WSB1: variants seen among roughly 807,000 people sequenced by gnomAD.
WSB1 encodes the protein WD repeat and SOCS box containing 1.
WSB1 carries 23 observed loss-of-function variants against 50.2 expected under a neutral mutation model. The observed-to-expected ratio is 0.46, with a 90% CI of 0.33 to 0.65. WSB1 has a LOEUF of 0.65. WSB1 is among the 30% of genes least tolerant of loss of function. The pLI is 0.02. For synonymous variants in WSB1, 179 were observed against 172.0 expected, an observed-to-expected ratio of 1.04 and a Z score of -0.32; for missense variants, 492 against 522.3, an observed-to-expected ratio of 0.94 and a Z score of 0.56.
intron 8 of WSB1, 77 bp downstream of exon 8, chr17:27,311,693 G>T (rs1278330827): frequency 1.9e-6 from 2 of 1,036,522 alleles, no homozygotes; most frequent in South Asian, 1.7e-5. Context: ...GTACAGTGGT[G>T]CAATCTCTGC....
intron 1 of WSB1, among the ~76,000 whole-genome samples, chr17:27,301,360 A>ATTGTATTTTATGGTGAGG (rs2017222382): frequency 6.6e-6 from 1 of 152,182 alleles, no homozygotes; most frequent in African/African-American, 2.4e-5. Context: ...ATGGTGAGGT[A>ATTGTATTTTATGGTGAGG]TGGTTTTTGA....
In WSB1 at chr17:27,294,477, G is replaced by C. The variant is rs758069073; in HGVS notation, c.40+42G>C. The C allele has an allele frequency of 4.1e-5, 66 of 1,610,540 alleles. 1 individual carries two copies. The highest frequency in any genetic ancestry group is 4.8e-5 in the Non-Finnish European group (56 of 1,177,834). ...TGGGTGGGCGCATGAGGGCCGAGGAGAGGCAGGGACTCCCCGGAGGAGGTT... is the reference window on the plus strand; with the variant it reads ...TGGGTGGGCGCATGAGGGCCGAGGACAGGCAGGGACTCCCCGGAGGAGGTT... On this transcript the variant is annotated intron_variant, in intron 1 of 8. Coordinates refer to ENST00000262394, the MANE Select transcript of WSB1 (RefSeq NM_015626.10).
At position 27,310,177 on chromosome 17, in the gene WSB1, A is replaced by G. The variant is rs1286013784; in HGVS notation, c.998+3A>G. On this transcript the variant is annotated splice_donor_region_variant and intron_variant, in intron 7 of 8. Transcript: ENST00000262394. Reference sequence around the variant, plus strand: ...GTTGCAAGCCTTGCTGATGATAAGTAAGTATGTGCATTATAGCTTGACTGA... The same window carrying G: ...GTTGCAAGCCTTGCTGATGATAAGTGAGTATGTGCATTATAGCTTGACTGA... 4 of 1,612,324 alleles carry G rather than the reference A, an allele frequency of 2.5e-6. No individual in the cohort carries two copies. The highest frequency in any genetic ancestry group is 1.3e-5 in the African/African-American group (1 of 74,904).
At chr17:27,299,965 TTTG>T (rs143000207) in intron 1 of WSB1, among the ~76,000 whole-genome samples, 50,394 of 151,748 alleles carry the variant, frequency 0.33, 8,586 homozygotes, top group Middle Eastern at 0.45. Context: ...TCTCAGGCTT[TTTG>T]TTTTTGCTTT....
At chr17:27,300,016 G>A (rs1204827207) in intron 1 of WSB1, among the ~76,000 whole-genome samples, 1 of 152,124 alleles carries the variant, frequency 6.6e-6, no homozygotes, top group Non-Finnish European at 1.5e-5. Flanking sequence ...CAAGAATTGG[G>A]CAGATAACAT....
chr17:27,298,929 C>T (rs2017105989), intron 1 of WSB1, among the ~76,000 whole-genome samples: 1 of 151,948 alleles, frequency 6.6e-6, no homozygotes, highest in Admixed American at 6.5e-5. Flanking sequence ...GGGGCATGTG[C>T]CCGTAGTCCC....
At chr17:27,305,050 C>A in intron 4 of WSB1, 139 bp downstream of exon 4, 1 of 1,064,776 alleles carries the variant, frequency 9.4e-7, no homozygotes. Flanking sequence ...CACTTAGGTT[C>A]CTTTCCTGAA....
chr17:27,302,255 A>G (rs892472329), intron 2 of WSB1, among the ~76,000 whole-genome samples: 3 of 152,064 alleles, frequency 2.0e-5, no homozygotes, highest in Non-Finnish European at 2.9e-5. Context: ...TACTGAAAAT[A>G]CAAGAACTAG....
At chr17:27,298,696 C>G (rs184265124) in intron 1 of WSB1, among the ~76,000 whole-genome samples, 5 of 151,878 alleles carry the variant, frequency 3.3e-5, no homozygotes, top group Admixed American at 3.3e-4. Context: ...ACTAAAAATA[C>G]AAAAAATAAT....
In WSB1 at chr17:27,313,704, G is replaced by A. The variant is rs1157134406; in HGVS notation, c.*1335G>A. The A allele has an allele frequency of 6.6e-6, 1 of 152,106 alleles. No individual in the cohort carries two copies. The allele number at this position is 152,106 out of a possible 1,614,324, so 9.4% of individuals were successfully genotyped here. On this transcript the variant is annotated 3_prime_UTR_variant, in exon 9 of 9. Coordinates refer to ENST00000262394, the MANE Select transcript of WSB1 (RefSeq NM_015626.10). ...CTCTGTCTCCATTGTAAGGTTGATG[G>A]TACACCACAGGCAAATTAAGCAAAA...
chr17:27,307,419 T>A, intron 5 of WSB1: 1 of 384,354 alleles, frequency 2.6e-6, no homozygotes, highest in Non-Finnish European at 4.7e-6. Flanking sequence ...AGGGTTATGC[T>A]TATTGATGAA....
intron 6 of WSB1, 28 bp from the exon 7 acceptor site, chr17:27,310,033 T>A (rs373797389): frequency 2.5e-6 from 4 of 1,588,164 alleles, no homozygotes; most frequent in African/African-American, 1.3e-5. Context: ...GTGACTGATA[T>A]CCACTGAAAA....
rs2017727290 is a variant in WSB1, at chr17:27,312,526, ATTAT to A, written c.*162_*165del. Reference sequence around the variant, plus strand: ...TTTTGATCAGTTGAGCTTTTAAAATATTATTTATAGACAATAGAAGTATTTCTGA... The same window carrying A: ...TTTTGATCAGTTGAGCTTTTAAAATATTATAGACAATAGAAGTATTTCTGA... On this transcript the variant is annotated 3_prime_UTR_variant, in exon 9 of 9. Transcript: ENST00000262394. 5.3e-6 allele frequency: 5 copies of A among 946,684 alleles called. No homozygotes were observed. The highest frequency in any genetic ancestry group is 7.6e-6 in the Non-Finnish European group (5 of 656,810). 58.6% of individuals were successfully genotyped at this position (946,684 alleles called of 1,614,324 possible).
At chr17:27,305,814 T>G (rs1445057253) in intron 4 of WSB1, among the ~76,000 whole-genome samples, 1 of 152,230 alleles carries the variant, frequency 6.6e-6, no homozygotes. Flanking sequence ...TTGAAATATT[T>G]TAATAATTTT....
intron 8 of WSB1, 139 bp downstream of exon 8, chr17:27,311,755 C>T: frequency 1.5e-6 from 1 of 654,154 alleles, no homozygotes; most frequent in Admixed American, 3.4e-5. Context: ...CCTCAGCCTC[C>T]CGAGTAGCTG....
chr17:27,294,541 G>T, intron 1 of WSB1, 106 bp downstream of exon 1: 8 of 1,500,808 alleles, frequency 5.3e-6, no homozygotes, highest in Non-Finnish European at 7.3e-6. Context: ...AAGAGCTCCA[G>T]TGCGCCAGGG....
chr17:27,301,415 G>A (rs1015223063), intron 1 of WSB1, among the ~76,000 whole-genome samples: 1 of 152,128 alleles, frequency 6.6e-6, no homozygotes, highest in Admixed American at 6.5e-5. Flanking sequence ...TGCCAACTAA[G>A]TTTAATTTCT....
chr17:27,303,646 A>G lies in WSB1; in HGVS notation c.478+11A>G. 6.2e-7 allele frequency: 1 copy of G among 1,608,394 alleles called. No homozygotes were observed. Among genetic ancestry groups the G allele is most frequent in the Non-Finnish European group, 8.5e-7 (1 of 1,176,020 alleles). ...GGGATGTATATACAGGTATGGATTCATAGTTTTTAAAGCAAATGTATTATT... is the reference window on the plus strand; with the variant it reads ...GGGATGTATATACAGGTATGGATTCGTAGTTTTTAAAGCAAATGTATTATT... On this transcript the variant is annotated intron_variant, in intron 3 of 8. Transcript: ENST00000262394.
intron 4 of WSB1, among the ~76,000 whole-genome samples, chr17:27,305,260 G>C (rs1481426025): frequency 8.5e-5 from 13 of 152,136 alleles, no homozygotes; most frequent in Non-Finnish European, 1.5e-4. Context: ...TACTGTATTG[G>C]CTGAGTGAAA....
Sources: gnomAD v4.1 joint callset for allele counts (sites outside exome capture counted in the v4.1 genomes callset) on GRCh38, gnomAD v4.1.1 for gene constraint, MANE v1.5 for transcripts, NCBI Gene and HGNC (gene_info 2026-07-23, HGNC 2026-07-21) for gene names.